The following HNRNPU variants were observed in gnomAD, a reference collection of about 807,000 sequenced individuals.
HNRNPU encodes the protein heterogeneous nuclear ribonucleoprotein U, also known as HNRNPU antisense RNA 1.
Under a neutral mutation model 94.7 loss-of-function variants are expected in HNRNPU, and 5 were observed. The observed-to-expected ratio is 0.05, with a 90% confidence interval of 0.03 to 0.11. HNRNPU has a LOEUF of 0.11. Among genes scored for constraint, HNRNPU ranks in the 10% least tolerant of loss-of-function variants. The pLI is 1.00. For synonymous variants in HNRNPU, 434 were observed against 381.6 expected (o/e 1.14, Z -1.60); for missense variants, 710 against 1,049.2 (o/e 0.68, Z 4.47).
Position 244,854,367 on chromosome 1 carries a change from A to T in HNRNPU, c.*83T>A. On this transcript the variant is annotated 3_prime_UTR_variant, in exon 14 of 14. Transcript: ENST00000640218. ...AGGCACTTCCTCTTGTGGAATGTTTAAAAAGTTAGCCTACTAAAGAAAACA... is the reference window on the plus strand; with the variant it reads ...AGGCACTTCCTCTTGTGGAATGTTTTAAAAGTTAGCCTACTAAAGAAAACA... 1.1e-6 allele frequency: 1 copy of T among 942,368 alleles called. No homozygotes were observed. Among genetic ancestry groups the T allele is most frequent in the Non-Finnish European group, 1.7e-6 (1 of 578,408 alleles). The allele number at this position is 942,368 out of a possible 1,614,324, so 58.4% of individuals were successfully genotyped here. A position where few individuals can be genotyped will look rare whatever the true frequency, so the allele number is the denominator to read the frequency against.
At chr1:244,854,545 A>T (rs1680625805) in intron 13 of HNRNPU, 42 bp from the exon 14 acceptor site, 1 of 1,276,228 alleles carries the variant, frequency 7.8e-7, no homozygotes, top group Non-Finnish European at 1.1e-6. Context: ...AACATCAATA[A>T]GCCACTCAAA....
At position 244,856,860 on chromosome 1, in the gene HNRNPU, T is replaced by TA; in HGVS notation, c.1615-5dup. On this transcript the variant is annotated splice_region_variant and splice_polypyrimidine_tract_variant and intron_variant, in intron 8 of 13. Transcript: ENST00000640218. ...TTTGCTTCTTAAAACCTGCCACCTA[T>TA]ATTCAAAAGTTAAAATTTCCCCTTG... 1 of 1,585,452 alleles carries TA rather than the reference T, an allele frequency of 6.3e-7. No individual in the cohort carries two copies. Among genetic ancestry groups the TA allele is most frequent in the South Asian group, 1.2e-5 (1 of 86,064 alleles).
Position 244,855,606 on chromosome 1 carries a change from G to T in HNRNPU, c.2170C>A (p.Pro724Thr), listed in dbSNP as rs746093508. The T allele has an allele frequency of 6.2e-7, 1 of 1,613,672 alleles. No homozygotes were observed. The highest frequency in any genetic ancestry group is 2.2e-5 in the East Asian group (1 of 44,842). The change falls in exon 12 of 14, where the codon CCT becomes ACT. Residue 724 changes from proline to threonine, a missense_variant and splice_region_variant. Coordinates refer to ENST00000640218, the MANE Select transcript of HNRNPU (RefSeq NM_031844.3). ...CTATTATATCCGCCACGATTCCCAG[G>T]GGCTAAAAGACAAGAGCTGTTTTAG... is the stretch of plus-strand genomic sequence containing the variant. ...MRGGNFRGGA[P>T]GNRGGYNRRG...
intron 1 of HNRNPU, 136 bp downstream of exon 1, chr1:244,863,481 C>G: frequency 9.3e-7 from 1 of 1,074,274 alleles, no homozygotes; most frequent in Non-Finnish European, 1.2e-6. Context: ...GGATTCCCCG[C>G]GCCCCCTCCC....
chr1:244,862,602 A>G lies in HNRNPU; in HGVS notation c.803+17T>C. On this transcript the variant is annotated intron_variant, in intron 2 of 13. Transcript: ENST00000640218. ...GAACGAATAAGGGATGAGTAAAACTAGGTGAGCATCCTATACCTGCTATAC... is the reference window on the plus strand; with the variant it reads ...GAACGAATAAGGGATGAGTAAAACTGGGTGAGCATCCTATACCTGCTATAC... 6.2e-7 allele frequency: 1 copy of G among 1,604,748 alleles called. No individual in the cohort carries two copies. The highest frequency in any genetic ancestry group is 8.5e-7 in the Non-Finnish European group (1 of 1,171,432).
In HNRNPU at chr1:244,856,635, A is replaced by G; in HGVS notation, c.1744-10T>C. 5 of 1,612,088 alleles carry G rather than the reference A, an allele frequency of 3.1e-6. No homozygotes were observed. Among genetic ancestry groups the G allele is most frequent in the Non-Finnish European group, 4.2e-6 (5 of 1,179,484 alleles). ...CAGCAGACACATTTGTCTTTAAAAA[A>G]AGAAATTTATGTTTACAACCCTAAA... On this transcript the variant is annotated splice_polypyrimidine_tract_variant and intron_variant, in intron 9 of 13. Transcript: ENST00000640218.
chr1:244,862,676 G>A lies in HNRNPU; in HGVS notation c.746C>T (p.Pro249Leu). Residue 249 changes from proline to leucine, a missense_variant, in exon 2 of 14, where the codon CCA (proline) becomes CTA (leucine). Coordinates refer to ENST00000640218, the MANE Select transcript of HNRNPU (RefSeq NM_031844.3). ...GGDKKRGVKR[P>L]REDHGRGYFE... ...ATATCCACGGCCATGATCTTCTCGT[G>A]GTCTTTTAACACCCCTCTTTTTATC... 6.2e-7 allele frequency: 1 copy of A among 1,614,066 alleles called. No individual in the cohort carries two copies. The highest frequency in any genetic ancestry group is 8.5e-7 in the Non-Finnish European group (1 of 1,179,994).
rs1680736587 is a variant in HNRNPU at position 244,858,409 on chromosome 1, C to G, written c.1231-135G>C. 2.3e-5 allele frequency: 17 copies of G among 748,078 alleles called. No individual in the cohort carries two copies. In the South Asian group the frequency reaches 3.1e-4, roughly 14 times the overall value. The allele number at this position is 748,078 out of a possible 1,614,324, so 46.3% of individuals were successfully genotyped here. ...AGAACTATTAGGTGGCCTTTAAGGG[C>G]TACACAGTTAAGAAATCTGATGGTT... On this transcript the variant is annotated intron_variant, in intron 6 of 13. Transcript: ENST00000640218.
chr1:244,863,518 C>CCGGGGCTCCCTCCCCCTG (rs1680911045), intron 1 of HNRNPU, 99 bp downstream of exon 1: 2 of 1,258,438 alleles, frequency 1.6e-6, no homozygotes, highest in East Asian at 6.6e-5. Context: ...GCCCTCCCGC[C>CCGGGGCTCCCTCCCCCTG]CGGGGCTCCC....
rs1243273458 is a variant in HNRNPU, at chr1:244,858,040, T to G, written c.1465A>C (p.Lys489Gln). ...CAATCTTTCTTCTCTTCAGGCCCCT[T>G]TGGTCCTCTAACTCGATCCTCTAAG... is the stretch of plus-strand genomic sequence containing the variant. The part of the protein sequence containing the change: ...VPLEDRVRGP[K>Q]GPEEKKDCEV... The change falls in exon 7 of 14, where the codon AAG becomes CAG. Residue 489 changes from lysine to glutamine, a missense_variant. Around this residue, in one of 8 missense-constraint regions of HNRNPU, gnomAD observed 150 missense variants for 187.9 expected, o/e 0.80. Coordinates refer to ENST00000640218, the MANE Select transcript of HNRNPU (RefSeq NM_031844.3). 10 of 1,613,444 alleles carry G rather than the reference T, an allele frequency of 6.2e-6. No individual in the cohort carries two copies. Among genetic ancestry groups the G allele is most frequent in the Non-Finnish European group, 7.6e-6 (9 of 1,179,816 alleles).
rs1053442593 is a variant in HNRNPU at position 244,857,817 on chromosome 1, G to C, written c.1495-100C>G. On this transcript the variant is annotated intron_variant, in intron 7 of 13. Coordinates refer to ENST00000640218, the MANE Select transcript of HNRNPU (RefSeq NM_031844.3). ...CAATTTAAATATCTAAGTTTTCATAGCCCTTACACTAACGGACAAAAATTT... is the reference window on the plus strand; with the variant it reads ...CAATTTAAATATCTAAGTTTTCATACCCCTTACACTAACGGACAAAAATTT... 6.9e-6 allele frequency: 10 copies of C among 1,453,830 alleles called. No homozygotes were observed. The African/African-American group carries it at 1.0e-4, about 14-fold the overall frequency. The allele number at this position is 1,453,830 out of a possible 1,614,324, so 90.1% of individuals were successfully genotyped here.
At position 244,855,592 on chromosome 1, in the gene HNRNPU, G is replaced by A. The variant is rs367547431; in HGVS notation, c.2184C>T (p.Gly728=). 4.3e-5 allele frequency: 70 copies of A among 1,613,488 alleles called. No individual in the cohort carries two copies. Among genetic ancestry groups the A allele is most frequent in the Non-Finnish European group, 5.0e-5 (59 of 1,179,838 alleles). The change falls in exon 12 of 14, where the codon GGC becomes GGT. Residue 728 remains glycine (G), a synonymous_variant. Coordinates refer to ENST00000640218, the MANE Select transcript of HNRNPU (RefSeq NM_031844.3). The stretch of plus-strand genomic sequence containing the variant: ...GCATGTTGCCCCTCCTATTATATCC[G>A]CCACGATTCCCAGGGGCTAAAAGAC... ...NFRGGAPGNR[G]GYNRRGNMPQ... is the part of the protein sequence containing the mutation.
In HNRNPU at chr1:244,858,714, T is replaced by C. The variant is rs373290529; in HGVS notation, c.1230+15A>G. The C allele has an allele frequency of 5.0e-6, 7 of 1,391,778 alleles. No homozygotes were observed. The African/African-American group carries it at 9.9e-5, about 20-fold the overall frequency. 86.2% of individuals were successfully genotyped at this position (1,391,778 alleles called of 1,614,324 possible). A position where few individuals can be genotyped will look rare whatever the true frequency, so the allele number is the denominator to read the frequency against. On this transcript the variant is annotated intron_variant, in intron 6 of 13. Coordinates refer to ENST00000640218, the MANE Select transcript of HNRNPU (RefSeq NM_031844.3). ...AACTTTGCCATTTATACATAGAAAG[T>C]TAGCTTTAACTTACAGCAAAACATG... is the stretch of plus-strand genomic sequence containing the variant.
intron 1 of HNRNPU, among the ~76,000 whole-genome samples, 164 bp downstream of exon 1, chr1:244,863,446 AGCCCGAG>A (rs1266343899): frequency 7.0e-6 from 1 of 143,820 alleles, no homozygotes; most frequent in Non-Finnish European, 1.5e-5. Flanking sequence ...ACACGCCCCG[AGCCCGAG>A]GCCTCTCGGC....
rs906134616 is a variant in HNRNPU at position 244,858,792 on chromosome 1, G to C, written c.1167C>G (p.Cys389Trp). Residue 389 changes from cysteine to tryptophan, a missense_variant, in exon 6 of 14, where the codon TGC becomes TGG. Cys to Trp is a radical substitution (Grantham distance 215). Around this residue, in one of 8 missense-constraint regions of HNRNPU, gnomAD observed 150 missense variants for 187.9 expected, o/e 0.80. Transcript: ENST00000640218. ...YGYSLKGIKTCNCETEDYGEK... is the reference protein window; with the variant it reads ...YGYSLKGIKTWNCETEDYGEK... Reference sequence around the variant, plus strand: ...CTCCATAATCTTCAGTCTCACAGTTGCATGTTTTTATTCCTTTTAGAGAAT... The same window carrying C: ...CTCCATAATCTTCAGTCTCACAGTTCCATGTTTTTATTCCTTTTAGAGAAT... 2 of 1,592,446 alleles carry C rather than the reference G, an allele frequency of 1.3e-6. No individual in the cohort carries two copies. The highest frequency in any genetic ancestry group is 2.2e-5 in the East Asian group (1 of 44,658).
At position 244,852,644 on chromosome 1, in the gene HNRNPU, G is replaced by A. The variant is rs1028051393; in HGVS notation, c.*1806C>T. The A allele has an allele frequency of 2.2e-4, 34 of 152,106 alleles. No individual in the cohort carries two copies. Among genetic ancestry groups the A allele is most frequent in the African/African-American group, 7.7e-4 (32 of 41,426 alleles). The allele number at this position is 152,106 out of a possible 1,614,324, so 9.4% of individuals were successfully genotyped here. On this transcript the variant is annotated 3_prime_UTR_variant, in exon 14 of 14. Coordinates refer to ENST00000640218, the MANE Select transcript of HNRNPU (RefSeq NM_031844.3). ...TGTTAAATATCTTATGTTAACTAAG[G>A]ATTTGCCTGTTCCAAAAATGTCTCA...
chr1:244,858,738 T>G lies in HNRNPU; in HGVS notation c.1221A>C (p.Thr407=), dbSNP rs1321164224. The G allele has an allele frequency of 1.9e-6, 3 of 1,551,282 alleles. No individual in the cohort carries two copies. Among genetic ancestry groups the G allele is most frequent in the South Asian group, 2.2e-5 (2 of 89,094 alleles). ...GEKFDENDVI[T]CFANFESDEV... ...GTTAGCTTTAACTTACAGCAAAACA[T>G]GTAATCACATCATTTTCATCAAACT... The change falls in exon 6 of 14, where the codon ACA becomes ACC. Residue 407 remains threonine (T), a synonymous_variant. Transcript: ENST00000640218.
chr1:244,863,378 G>A (rs1236607825), intron 1 of HNRNPU, among the ~76,000 whole-genome samples: 1 of 149,124 alleles, frequency 6.7e-6, no homozygotes, highest in East Asian at 2.0e-4. Context: ...CCACATAATG[G>A]AGGCGCTGCC....
chr1:244,855,725 A>C, intron 11 of HNRNPU, 117 bp from the exon 12 acceptor site: 1 of 1,325,368 alleles, frequency 7.5e-7, no homozygotes, highest in South Asian at 1.4e-5. Context: ...AAGACAAAAG[A>C]AATGTTTAAT....
Sources: gnomAD v4.1 joint callset for allele counts (sites outside exome capture counted in the v4.1 genomes callset) on GRCh38, gnomAD v4.1.1 for gene constraint, gnomAD v4.1.1 regional missense constraint, MANE v1.5 for transcripts, NCBI Gene and HGNC (gene_info 2026-07-23, HGNC 2026-07-21) for gene names.